The following UNC5D variants were observed in gnomAD, a reference collection of about 807,000 sequenced individuals.
UNC5D encodes unc-5 netrin receptor D.
A neutral mutation model predicts 105.4 loss-of-function variants in UNC5D; 39 were observed. That is an observed-to-expected ratio of 0.37 (90% CI 0.29 to 0.48). The LOEUF (loss-of-function observed/expected upper bound fraction) is 0.48, where lower values mean the gene tolerates loss of function less well. Among genes scored for constraint, UNC5D ranks in the 20% least tolerant of loss-of-function variants. The probability of loss-of-function intolerance (pLI) is 0.98; values close to 1 mark genes in which losing one functional copy is unlikely to be tolerated. For missense variants in UNC5D, 991 were observed against 1,202.4 expected (o/e 0.82, Z 2.60); for synonymous variants, 452 against 450.4 (o/e 1.00, Z -0.04).
intron 1 of UNC5D, among the ~76,000 whole-genome samples, chr8:35,384,452 T>C (rs1803257747): frequency 6.6e-6 from 1 of 152,110 alleles, no homozygotes; most frequent in South Asian, 2.1e-4. Flanking sequence ...CCCTTTAAAT[T>C]GGAAGGGGTT....
At chr8:35,696,935 G>A (rs1826823111) in intron 7 of UNC5D, among the ~76,000 whole-genome samples, 1 of 152,068 alleles carries the variant, frequency 6.6e-6, no homozygotes, top group Non-Finnish European at 1.5e-5. Flanking sequence ...TCATAGGGTA[G>A]TAAAAAGAGC....
At chr8:35,731,649 G>A (rs1293813768) in intron 11 of UNC5D, among the ~76,000 whole-genome samples, 4 of 152,088 alleles carry the variant, frequency 2.6e-5, no homozygotes, top group African/African-American at 4.8e-5. Flanking sequence ...ACAGTGAATC[G>A]TTAGGTCAGA....
intron 1 of UNC5D, among the ~76,000 whole-genome samples, chr8:35,418,322 G>C (rs543635937): frequency 1.3e-5 from 2 of 152,162 alleles, no homozygotes; most frequent in South Asian, 4.2e-4. Flanking sequence ...GTTCCCTTGC[G>C]GATCTAGAGA....
intron 1 of UNC5D, among the ~76,000 whole-genome samples, chr8:35,506,349 A>T (rs1185265977): frequency 6.6e-6 from 1 of 152,222 alleles, no homozygotes; most frequent in African/African-American, 2.4e-5. Flanking sequence ...TGTCATTCAC[A>T]TTTCAGTGGT....
intron 1 of UNC5D, among the ~76,000 whole-genome samples, chr8:35,546,295 C>T (rs989618387): frequency 1.3e-5 from 2 of 152,098 alleles, no homozygotes; most frequent in Admixed American, 6.5e-5. Context: ...GCAGGCTGAA[C>T]GTGCTGCTTA....
At chr8:35,382,766 T>C (rs7840063) in intron 1 of UNC5D, among the ~76,000 whole-genome samples, 146,080 of 152,312 alleles carry the variant, frequency 0.96, 70,367 homozygotes, top group East Asian at 1. Context: ...CTGCTTGGAT[T>C]CCAGAATGCT....
chr8:35,348,742 T>C (rs1219732668), intron 1 of UNC5D, among the ~76,000 whole-genome samples: 1 of 151,958 alleles, frequency 6.6e-6, no homozygotes, highest in Admixed American at 6.6e-5. Flanking sequence ...CTAATAAAGT[T>C]GAAGATGTAT....
intron 3 of UNC5D, among the ~76,000 whole-genome samples, chr8:35,578,471 C>T (rs893528412): frequency 6.6e-6 from 1 of 152,078 alleles, no homozygotes; most frequent in African/African-American, 2.4e-5. Context: ...ATAGACATGG[C>T]ACATGTTTCT....
At chr8:35,327,266 A>G (rs866040478) in intron 1 of UNC5D, among the ~76,000 whole-genome samples, 1 of 152,138 alleles carries the variant, frequency 6.6e-6, no homozygotes, top group Admixed American at 6.5e-5. Flanking sequence ...TATGTAAATT[A>G]TATCAGTTAA....
rs1810077493 is a variant in UNC5D, at chr8:35,476,099, C to G, written c.104-73193C>G. 2.0e-5 allele frequency among the ~76,000 whole-genome samples: 3 copies of G among 152,184 alleles called. No individual in the cohort carries two copies. The South Asian group carries it at 6.2e-4, about 32-fold the overall frequency. On this transcript the variant is annotated intron_variant, in intron 1 of 16. Transcript: ENST00000404895. ...TCGCTCTGGATTTAAGGCAGTTGTG[C>G]TATGTGCAAGCTGGAATAATTCTCT...
At chr8:35,397,866 C>T (rs1204416631) in intron 1 of UNC5D, among the ~76,000 whole-genome samples, 1 of 152,180 alleles carries the variant, frequency 6.6e-6, no homozygotes, top group Admixed American at 6.5e-5. Flanking sequence ...CCTTTACTTA[C>T]AATTCTTCTG....
chr8:35,274,806 T>C (rs1805657673), intron 1 of UNC5D, among the ~76,000 whole-genome samples: 1 of 152,190 alleles, frequency 6.6e-6, no homozygotes, highest in Non-Finnish European at 1.5e-5. Context: ...ATGCATAAAA[T>C]ATTTAAAAAT....
chr8:35,620,639 C>A (rs1435609499), intron 4 of UNC5D, among the ~76,000 whole-genome samples: 1 of 152,176 alleles, frequency 6.6e-6, no homozygotes, highest in Non-Finnish European at 1.5e-5. Flanking sequence ...CTGTTTAGTG[C>A]TGGGACCATT....
intron 4 of UNC5D, among the ~76,000 whole-genome samples, chr8:35,621,680 G>T (rs961587629): frequency 1.3e-5 from 2 of 152,074 alleles, no homozygotes; most frequent in Non-Finnish European, 2.9e-5. Context: ...TGAACTGGTA[G>T]GTCAAAAATT....
At chr8:35,291,661 G>C (rs555230947) in intron 1 of UNC5D, among the ~76,000 whole-genome samples, 2 of 152,266 alleles carry the variant, frequency 1.3e-5, no homozygotes, top group East Asian at 1.9e-4. Context: ...ATTGGTTTGG[G>C]TGGTGGATTG....
intron 16 of UNC5D, among the ~76,000 whole-genome samples, chr8:35,789,588 T>C (rs1403553084): frequency 6.6e-6 from 1 of 152,060 alleles, no homozygotes; most frequent in Non-Finnish European, 1.5e-5. Context: ...GCATTGCGTT[T>C]GTGGAGCTAG....
At chr8:35,325,226 C>A (rs181870366) in intron 1 of UNC5D, among the ~76,000 whole-genome samples, 1 of 152,176 alleles carries the variant, frequency 6.6e-6, no homozygotes. Flanking sequence ...AACTTTTAAA[C>A]GTGATTTTTA....
At chr8:35,514,976 G>C (rs1031232134) in intron 1 of UNC5D, among the ~76,000 whole-genome samples, 3 of 152,090 alleles carry the variant, frequency 2.0e-5, no homozygotes, top group African/African-American at 7.2e-5. Context: ...AAAGTGAAAG[G>C]GTCTAATGAA....
chr8:35,261,084 G>A (rs1180150516), intron 1 of UNC5D, among the ~76,000 whole-genome samples: 1 of 152,190 alleles, frequency 6.6e-6, no homozygotes, highest in African/African-American at 2.4e-5. Context: ...GAGTGGTAGA[G>A]TTACATTCTA....
Sources: allele counts gnomAD v4.1 joint callset (sites outside exome capture counted in the v4.1 genomes callset), GRCh38; gene constraint gnomAD v4.1.1; transcripts MANE v1.5; gene names NCBI Gene and HGNC (gene_info 2026-07-23, HGNC 2026-07-21).